NCKAP5: variants seen among roughly 807,000 people sequenced by gnomAD.
NCKAP5 encodes the protein nck-associated protein 5.
In NCKAP5, 92 loss-of-function variants were observed where a neutral mutation model predicts 167.0. The ratio of observed to expected loss-of-function variants is 0.55; its 90% CI spans 0.47 to 0.66. The LOEUF (loss-of-function observed/expected upper bound fraction) is 0.66. NCKAP5 is among the 30% of genes least tolerant of loss of function. The pLI, the probability that NCKAP5 is intolerant of heterozygous loss-of-function variation, is 0.00. For synonymous variants in NCKAP5, 891 were observed against 877.4 expected, an observed-to-expected ratio of 1.02 and a Z score of -0.27; for missense variants, 2,378 against 2,315.0, an observed-to-expected ratio of 1.03 and a Z score of -0.56.
intron 9 of NCKAP5, among the ~76,000 whole-genome samples, chr2:132,877,601 T>C (rs1457073874): frequency 1.3e-5 from 2 of 152,150 alleles, no homozygotes; most frequent in African/African-American, 2.4e-5. Flanking sequence ...AGGGATCACA[T>C]TTTTAAAACC....
intron 6 of NCKAP5, among the ~76,000 whole-genome samples, chr2:133,075,946 T>C (rs1038180737): frequency 6.6e-6 from 1 of 152,124 alleles, no homozygotes; most frequent in Non-Finnish European, 1.5e-5. Context: ...GACACAACTG[T>C]AAGTCGGGTA....
intron 3 of NCKAP5, among the ~76,000 whole-genome samples, chr2:133,396,622 C>G (rs1687744731): frequency 6.6e-6 from 1 of 152,022 alleles, no homozygotes; most frequent in African/African-American, 2.4e-5. Context: ...CCTGTGTGTC[C>G]AAGTTCCCCC....
chr2:133,487,599 G>A (rs1364772584), intron 3 of NCKAP5, among the ~76,000 whole-genome samples: 1 of 152,102 alleles, frequency 6.6e-6, no homozygotes. Context: ...TAGGCAGGGG[G>A]GAGTTGGGAG....
chr2:133,264,812 G>A (rs1226638181), intron 4 of NCKAP5, among the ~76,000 whole-genome samples: 2 of 152,174 alleles, frequency 1.3e-5, no homozygotes, highest in East Asian at 1.9e-4. Context: ...TCCAGAAAAT[G>A]TTAGTCCAGG....
At chr2:133,007,161 C>T (rs556930658) in intron 6 of NCKAP5, among the ~76,000 whole-genome samples, 4 of 152,278 alleles carry the variant, frequency 2.6e-5, no homozygotes, top group African/African-American at 9.6e-5. Flanking sequence ...CAACTTAGGA[C>T]AGATCACATT....
chr2:132,737,449 G>A (rs1325303112), intron 16 of NCKAP5, among the ~76,000 whole-genome samples: 1 of 152,182 alleles, frequency 6.6e-6, no homozygotes, highest in Non-Finnish European at 1.5e-5. Context: ...TCAGTAAAGA[G>A]GAAAGTTACT....
At chr2:132,963,923 G>T (rs1484417300) in intron 7 of NCKAP5, 54 bp from the exon 8 acceptor site, 3 of 1,594,870 alleles carry the variant, frequency 1.9e-6, no homozygotes, top group Non-Finnish European at 2.6e-6. Flanking sequence ...AAATAAGCAT[G>T]AGTGTGAGGC....
chr2:133,618,491 G>C, the NCKAP5 span, among the ~76,000 whole-genome samples: 8 of 147,628 alleles, frequency 5.4e-5, no homozygotes, highest in African/African-American at 2.0e-4. Context: ...AAAAGTGGGC[G>C]AAGGACATGA....
At chr2:133,140,264 A>G (rs1400031232) in intron 5 of NCKAP5, among the ~76,000 whole-genome samples, 1 of 152,132 alleles carries the variant, frequency 6.6e-6, no homozygotes, top group Non-Finnish European at 1.5e-5. Context: ...AAGACACAGC[A>G]TTTCAGGTTT....
chr2:133,646,133 C>A, the NCKAP5 span, among the ~76,000 whole-genome samples: 1 of 151,826 alleles, frequency 6.6e-6, no homozygotes, highest in Non-Finnish European at 1.5e-5. Flanking sequence ...GTAAACAAAT[C>A]TTTTTATTCA....
chr2:133,526,564 A>G (rs1191333445), intron 2 of NCKAP5, among the ~76,000 whole-genome samples: 1 of 152,140 alleles, frequency 6.6e-6, no homozygotes, highest in Non-Finnish European at 1.5e-5. Flanking sequence ...CTATTGCTAC[A>G]TCTTCAATGT....
chr2:132,874,368 A>G (rs1691096968), intron 9 of NCKAP5, among the ~76,000 whole-genome samples: 1 of 152,114 alleles, frequency 6.6e-6, no homozygotes, highest in African/African-American at 2.4e-5. Flanking sequence ...TTGGCCTCCC[A>G]AAGTGTTGGG....
At chr2:132,946,093 A>G (rs1193329215) in intron 8 of NCKAP5, among the ~76,000 whole-genome samples, 4 of 152,236 alleles carry the variant, frequency 2.6e-5, no homozygotes, top group African/African-American at 9.6e-5. Context: ...GTAGCTAAAC[A>G]TAGAGGAAAT....
Position 132,964,514 on chromosome 2 carries a change from G to A in NCKAP5, c.430-645C>T, listed in dbSNP as rs147136555. The stretch of plus-strand genomic sequence containing the variant: ...AAGCCCCTCACTCAACCTTGTCTCT[G>A]GAAGCTTTTTGAAAGTTGAGAAGTA... On this transcript the variant is annotated intron_variant, in intron 7 of 19. Coordinates refer to ENST00000409261, the MANE Select transcript of NCKAP5 (RefSeq NM_207363.3). Among the ~76,000 whole-genome samples, 798 of 152,092 alleles carry A rather than the reference G, an allele frequency of 5.2e-3. 4 individuals carry two copies. The highest frequency in any genetic ancestry group is 8.0e-3 in the Non-Finnish European group (545 of 67,996).
chr2:133,560,570 C>A (rs1315298242), intron 1 of NCKAP5, among the ~76,000 whole-genome samples: 1 of 152,048 alleles, frequency 6.6e-6, no homozygotes, highest in African/African-American at 2.4e-5. Context: ...GAGAACCTTC[C>A]CCAGAAGGAG....
chr2:133,584,620 T>A, the NCKAP5 span, among the ~76,000 whole-genome samples: 78 of 151,994 alleles, frequency 5.1e-4, 1 homozygote, highest in African/African-American at 1.8e-3. Flanking sequence ...AAAAATTAGC[T>A]GGGCATGGTG....
chr2:133,597,997 G>C, the NCKAP5 span, among the ~76,000 whole-genome samples: 1 of 152,146 alleles, frequency 6.6e-6, no homozygotes. Context: ...TGGGTAAACT[G>C]GGAGAAACAG....
intron 6 of NCKAP5, among the ~76,000 whole-genome samples, chr2:133,099,856 G>T (rs2081451452): frequency 6.6e-6 from 1 of 152,156 alleles, no homozygotes; most frequent in Non-Finnish European, 1.5e-5. Context: ...GTCTGCTTTT[G>T]CACATAAAGT....
intron 5 of NCKAP5, among the ~76,000 whole-genome samples, chr2:133,172,492 A>G (rs1044270994): frequency 6.6e-6 from 1 of 152,190 alleles, no homozygotes; most frequent in Non-Finnish European, 1.5e-5. Context: ...TTTTTTTGAG[A>G]CTGAGTTTCA....
Sources: gnomAD v4.1 joint callset for allele counts (sites outside exome capture counted in the v4.1 genomes callset) on GRCh38, gnomAD v4.1.1 for gene constraint, MANE v1.5 for transcripts, NCBI Gene and HGNC (gene_info 2026-07-23, HGNC 2026-07-21) for gene names.